The following DHRS12 variants were observed in gnomAD, a reference collection of about 807,000 sequenced individuals.
DHRS12 encodes dehydrogenase/reductase SDR family member 12.
In DHRS12, 29 loss-of-function variants were observed where a neutral mutation model predicts 32.1. The ratio of observed to expected loss-of-function variants is 0.90; its 90% CI spans 0.67 to 1.23. DHRS12 has a LOEUF of 1.23. Ranked by LOEUF, DHRS12 falls within the 50% of genes most tolerant of loss-of-function variation. DHRS12 has a pLI of 0.00. For synonymous variants in DHRS12, 150 were observed against 135.9 expected, an observed-to-expected ratio of 1.10 and a Z score of -0.72; for missense variants, 330 against 337.2, an observed-to-expected ratio of 0.98 and a Z score of 0.17.
the DHRS12 span, chr13:51,759,702 AT>A: frequency 6.2e-7 from 1 of 1,612,312 alleles, no homozygotes; most frequent in Admixed American, 1.7e-5. Flanking sequence ...CCTCAACACA[AT>A]TTTAGTTCAT....
rs1207477496 is a variant in DHRS12, at chr13:51,769,106, G to A, written c.697+50C>T. On this transcript the variant is annotated intron_variant, in intron 8 of 8. Coordinates refer to ENST00000444610, the MANE Select transcript of DHRS12 (RefSeq NM_001377533.1). The stretch of plus-strand genomic sequence containing the variant: ...GAAGGTGCGCCTCGAAGGCCCAGCT[G>A]CTGCCCCTAGCCCTGTGTCAGCTGC... 1.9e-6 allele frequency: 3 copies of A among 1,547,684 alleles called. No individual in the cohort carries two copies. In the African/African-American group the frequency reaches 4.1e-5, roughly 21 times the overall value.
the DHRS12 span, among the ~76,000 whole-genome samples, chr13:51,758,904 C>T: frequency 1.3e-5 from 2 of 152,146 alleles, no homozygotes; most frequent in Non-Finnish European, 2.9e-5. Flanking sequence ...AACTCTGGGG[C>T]TGGGTGTGTT....
intron 7 of DHRS12, among the ~76,000 whole-genome samples, chr13:51,770,152 ATC>A (rs1434675369): frequency 1.1e-4 from 16 of 152,230 alleles, no homozygotes; most frequent in Admixed American, 9.8e-4. Flanking sequence ...AAAAATAAAC[ATC>A]TTTTTTTCTT....
the DHRS12 span, among the ~76,000 whole-genome samples, chr13:51,758,764 T>C: frequency 1.2e-4 from 19 of 152,084 alleles, no homozygotes; most frequent in Non-Finnish European, 4.4e-5. Flanking sequence ...GTAATACATA[T>C]GAGAATTTAT....
intron 4 of DHRS12, among the ~76,000 whole-genome samples, chr13:51,781,292 G>A (rs1954691957): frequency 6.6e-6 from 1 of 152,212 alleles, no homozygotes; most frequent in African/African-American, 2.4e-5. Flanking sequence ...GGCTCAGAGA[G>A]TGGTTAGCGT....
intron 3 of DHRS12, 146 bp downstream of exon 3, chr13:51,791,019 T>G: frequency 2.0e-6 from 1 of 488,676 alleles, no homozygotes; most frequent in Middle Eastern, 5.4e-4. Flanking sequence ...ATGAGTAAAC[T>G]TGATTCCATG....
At chr13:51,774,308 A>AT (rs542924867) in intron 5 of DHRS12, 2 of 145,954 alleles carry the variant, frequency 1.4e-5, no homozygotes, top group African/African-American at 5.2e-5. Flanking sequence ...ATTCTCCTAC[A>AT]GTATTCTCCT....
At position 51,804,074 on chromosome 13, in the gene DHRS12, C is replaced by T. The variant is rs776241664; in HGVS notation, c.-29G>A. The T allele has an allele frequency of 2.0e-6, 3 of 1,493,624 alleles. No individual in the cohort carries two copies. The highest frequency in any genetic ancestry group is 1.3e-5 in the South Asian group (1 of 79,976). 92.5% of individuals were successfully genotyped at this position (1,493,624 alleles called of 1,614,324 possible). ...CTTACTTGGTGTACTCGCGCAGCCC[C>T]TTGGCGAACCACACGACGCTGCGGT... On this transcript the variant is annotated 5_prime_UTR_variant, in exon 1 of 9. Coordinates refer to ENST00000444610, the MANE Select transcript of DHRS12 (RefSeq NM_001377533.1).
chr13:51,761,866 GCA>G, the DHRS12 span: 2 of 152,262 alleles, frequency 1.3e-5, no homozygotes, highest in East Asian at 3.9e-4. Flanking sequence ...CTCTGAAGAG[GCA>G]CACACGCATG....
At chr13:51,791,342 T>TA (rs1295053443) in intron 2 of DHRS12, 85 bp from the exon 3 acceptor site, 19 of 785,030 alleles carry the variant, frequency 2.4e-5, no homozygotes, top group Non-Finnish European at 3.3e-5. Context: ...ATACGGTTTT[T>TA]AAAAAGCAAA....
the DHRS12 span, among the ~76,000 whole-genome samples, chr13:51,758,844 C>G: frequency 8.5e-5 from 13 of 152,260 alleles, no homozygotes; most frequent in African/African-American, 2.2e-4. Context: ...TAAAATAACC[C>G]ACTTTGGAAG....
chr13:51,758,986 A>C, the DHRS12 span, among the ~76,000 whole-genome samples: 1 of 152,164 alleles, frequency 6.6e-6, no homozygotes, highest in Admixed American at 6.5e-5. Context: ...GTTCAAGACC[A>C]GCCTGGCCAC....
chr13:51,784,141 T>C (rs1954844631), intron 4 of DHRS12, among the ~76,000 whole-genome samples: 1 of 152,186 alleles, frequency 6.6e-6, no homozygotes, highest in Non-Finnish European at 1.5e-5. Flanking sequence ...ACAACCCTGC[T>C]CAGTGCAGCC....
Position 51,768,022 on chromosome 13 carries a change from A to G in DHRS12, c.*165T>C, listed in dbSNP as rs1291439640. ...AGGTGAGCCTGATCACAGCCTCGGT[A>G]GTATTTATTTTGAAATAAAAGTTCC... On this transcript the variant is annotated 3_prime_UTR_variant, in exon 9 of 9. Coordinates refer to ENST00000444610, the MANE Select transcript of DHRS12 (RefSeq NM_001377533.1). 1.4e-6 allele frequency: 2 copies of G among 1,428,500 alleles called. No homozygotes were observed. The highest frequency in any genetic ancestry group is 1.8e-6 in the Non-Finnish European group (2 of 1,095,838). 88.5% of individuals were successfully genotyped at this position (1,428,500 alleles called of 1,614,324 possible).
At chr13:51,802,200 C>T (rs545897650) in intron 1 of DHRS12, among the ~76,000 whole-genome samples, 2 of 142,564 alleles carry the variant, frequency 1.4e-5, no homozygotes, top group South Asian at 4.5e-4. Context: ...CACACACACA[C>T]ACACACACAC....
chr13:51,767,845 A>G, downstream of DHRS12: 1 of 171,186 alleles, frequency 5.8e-6, no homozygotes, highest in Non-Finnish European at 9.2e-6. Flanking sequence ...AAGGGAGGGG[A>G]AGTGGAGTTC....
In DHRS12 at chr13:51,776,247, T is replaced by C. The variant is rs956490700; in HGVS notation, c.363+813A>G. 15 of 152,184 alleles carry C rather than the reference T, an allele frequency of 9.9e-5. 1 individual carries two copies. The highest frequency in any genetic ancestry group is 3.1e-4 in the African/African-American group (13 of 41,422). 9.4% of individuals were successfully genotyped at this position (152,184 alleles called of 1,614,324 possible). On this transcript the variant is annotated intron_variant, in intron 5 of 8. Transcript: ENST00000444610. ...GGAGCCCAGAAGTCTGAGGTGGGGC[T>C]CATGGGCTAAAATCCAAGTGTCAGC...
intron 1 of DHRS12, among the ~76,000 whole-genome samples, chr13:51,801,953 A>G (rs986225809): frequency 2.0e-5 from 3 of 152,164 alleles, no homozygotes; most frequent in Admixed American, 1.3e-4. Flanking sequence ...CTCAAACTCC[A>G]GACTGGGAGT....
chr13:51,773,823 G>A (rs1954169186), intron 6 of DHRS12, 107 bp downstream of exon 6: 3 of 907,846 alleles, frequency 3.3e-6, no homozygotes, highest in East Asian at 5.1e-5. Flanking sequence ...GGTGCTGCAT[G>A]AACTACTAAG....
Sources: gnomAD v4.1 joint callset for allele counts (sites outside exome capture counted in the v4.1 genomes callset) on GRCh38, gnomAD v4.1.1 for gene constraint, MANE v1.5 for transcripts, NCBI Gene and HGNC (gene_info 2026-07-23, HGNC 2026-07-21) for gene names.